CSMD1: variants seen among roughly 807,000 people sequenced by gnomAD.
CSMD1 encodes the protein CUB and Sushi multiple domains 1.
A neutral mutation model predicts 417.5 loss-of-function variants in CSMD1; 213 were observed. The observed-to-expected ratio is 0.51, with a 90% confidence interval of 0.46 to 0.57. The LOEUF is 0.57. Among genes scored for constraint, CSMD1 ranks in the 20% least tolerant of loss-of-function variants. CSMD1 has a pLI of 0.00. For synonymous variants in CSMD1, 2,862 were observed against 1,736.8 expected (o/e 1.65, Z -16.11); for missense variants, 6,923 against 4,529.7 (o/e 1.53, Z -15.17).
At chr8:4,971,140 G>A (rs1166359802) in intron 1 of CSMD1, among the ~76,000 whole-genome samples, 4 of 151,882 alleles carry the variant, frequency 2.6e-5, no homozygotes, top group Non-Finnish European at 5.9e-5. Flanking sequence ...GAACCCTGGG[G>A]TCCCTTCCAA....
chr8:3,326,924 C>T (rs1374950198), intron 23 of CSMD1, among the ~76,000 whole-genome samples: 6 of 152,002 alleles, frequency 3.9e-5, no homozygotes, highest in Non-Finnish European at 8.8e-5. Context: ...TGCCTGTAAT[C>T]TCGGCTCTTA....
chr8:4,783,124 T>C (rs1463999652), intron 1 of CSMD1, among the ~76,000 whole-genome samples: 1 of 152,320 alleles, frequency 6.6e-6, no homozygotes, highest in Non-Finnish European at 1.5e-5. Context: ...AGAGTTAACA[T>C]GTCATATGTA....
At chr8:3,199,153 G>C (rs1050675202) in intron 33 of CSMD1, among the ~76,000 whole-genome samples, 2 of 151,952 alleles carry the variant, frequency 1.3e-5, no homozygotes, top group Non-Finnish European at 2.9e-5. Flanking sequence ...TTTTTTAAAA[G>C]GTTTAAATTA....
chr8:4,406,607 G>C (rs1163620791), intron 3 of CSMD1, among the ~76,000 whole-genome samples: 1 of 152,124 alleles, frequency 6.6e-6, no homozygotes, highest in African/African-American at 2.4e-5. Flanking sequence ...CCACACCAAG[G>C]AAAGTGACCG....
intron 7 of CSMD1, among the ~76,000 whole-genome samples, chr8:3,698,791 T>C (rs1452507383): frequency 6.6e-6 from 1 of 152,222 alleles, no homozygotes; most frequent in Non-Finnish European, 1.5e-5. Context: ...TGAAAATGTA[T>C]CTGGTTATCT....
At chr8:4,160,494 G>A (rs1033042724) in intron 3 of CSMD1, among the ~76,000 whole-genome samples, 4 of 152,094 alleles carry the variant, frequency 2.6e-5, no homozygotes, top group Non-Finnish European at 5.9e-5. Flanking sequence ...TCCGAACATC[G>A]GTTGAAAGTC....
intron 5 of CSMD1, among the ~76,000 whole-genome samples, chr8:3,837,425 G>A (rs915809839): frequency 2.6e-5 from 4 of 152,040 alleles, no homozygotes; most frequent in South Asian, 4.1e-4. Context: ...GACTGCCTAC[G>A]TCACATATGA....
Position 4,378,777 on chromosome 8 carries a change from G to C in CSMD1, c.415+41176C>G, listed in dbSNP as rs568291779. On this transcript the variant is annotated intron_variant, in intron 3 of 69. Coordinates refer to ENST00000635120, the MANE Select transcript of CSMD1 (RefSeq NM_033225.6). Reference sequence around the variant, plus strand: ...TATGAGAGCTCTGCTCTCATGAATGGGATTACTGCCCTTGTAAGACGTCAA... The same window carrying C: ...TATGAGAGCTCTGCTCTCATGAATGCGATTACTGCCCTTGTAAGACGTCAA... Among the ~76,000 whole-genome samples the C allele has an allele frequency of 3.1e-4, 47 of 152,082 alleles. 1 individual carries two copies. Among genetic ancestry groups the C allele is most frequent in the Non-Finnish European group, 5.6e-4 (38 of 68,028 alleles).
At chr8:4,039,709 G>A (rs1176819999) in intron 3 of CSMD1, among the ~76,000 whole-genome samples, 1 of 152,168 alleles carries the variant, frequency 6.6e-6, no homozygotes, top group Non-Finnish European at 1.5e-5. Flanking sequence ...ACTTGAAGGT[G>A]GAAAAGGGCA....
intron 6 of CSMD1, among the ~76,000 whole-genome samples, chr8:3,752,427 G>A (rs1199988552): frequency 6.6e-6 from 1 of 152,044 alleles, no homozygotes; most frequent in Non-Finnish European, 1.5e-5. Context: ...GGCCGAGGCA[G>A]GCAGATCATC....
intron 49 of CSMD1, among the ~76,000 whole-genome samples, chr8:3,077,027 G>C (rs1319780248): frequency 1.6e-5 from 2 of 122,930 alleles, no homozygotes; most frequent in East Asian, 5.0e-4. Flanking sequence ...GGAGTCCTAA[G>C]TGCACTTCTT....
At chr8:3,765,826 G>A (rs1252540199) in intron 5 of CSMD1, among the ~76,000 whole-genome samples, 1 of 152,084 alleles carries the variant, frequency 6.6e-6, no homozygotes, top group Non-Finnish European at 1.5e-5. Flanking sequence ...AATCCAGTGG[G>A]GACACACCTT....
chr8:3,858,086 T>C (rs1804439881), intron 5 of CSMD1, among the ~76,000 whole-genome samples: 1 of 152,232 alleles, frequency 6.6e-6, no homozygotes, highest in Non-Finnish European at 1.5e-5. Flanking sequence ...TTTGTGACTG[T>C]CCAATTGAAT....
intron 33 of CSMD1, among the ~76,000 whole-genome samples, chr8:3,199,248 G>A (rs1457754392): frequency 6.6e-6 from 1 of 152,136 alleles, no homozygotes; most frequent in Non-Finnish European, 1.5e-5. Context: ...GATAAGAGAT[G>A]CATGCGTGAT....
intron 10 of CSMD1, among the ~76,000 whole-genome samples, chr8:3,526,466 G>A (rs1797758545): frequency 6.6e-6 from 1 of 152,054 alleles, no homozygotes; most frequent in African/African-American, 2.4e-5. Flanking sequence ...ACCAGAAGCT[G>A]GCTATTCTGT....
intron 7 of CSMD1, among the ~76,000 whole-genome samples, chr8:3,656,121 G>A (rs1798090579): frequency 6.6e-6 from 1 of 152,214 alleles, no homozygotes. Context: ...GGGGTGCGCA[G>A]TGAACTCATT....
intron 2 of CSMD1, among the ~76,000 whole-genome samples, chr8:4,463,371 C>G (rs947535391): frequency 8.5e-5 from 13 of 152,136 alleles, no homozygotes; most frequent in African/African-American, 3.1e-4. Flanking sequence ...GTAAAATACT[C>G]CGGAAGTTCG....
chr8:3,879,836 CGTGT>C (rs55713446), intron 5 of CSMD1, among the ~76,000 whole-genome samples: 2 of 150,626 alleles, frequency 1.3e-5, no homozygotes, highest in East Asian at 2.0e-4. Flanking sequence ...TGTGCGTGTG[CGTGT>C]GTGTGTGTGT....
intron 3 of CSMD1, among the ~76,000 whole-genome samples, chr8:4,244,172 T>A (rs1448102241): frequency 6.6e-6 from 1 of 152,178 alleles, no homozygotes; most frequent in African/African-American, 2.4e-5. Context: ...TCTGCAAGTT[T>A]CTGGTAGAAC....
Sources: allele counts gnomAD v4.1 joint callset (sites outside exome capture counted in the v4.1 genomes callset), GRCh38; gene constraint gnomAD v4.1.1; transcripts MANE v1.5; gene names NCBI Gene and HGNC (gene_info 2026-07-23, HGNC 2026-07-21).